FLT3LG: variants seen among roughly 807,000 people sequenced by gnomAD.
FLT3LG encodes the protein fms-related tyrosine kinase 3 ligand.
Under a neutral mutation model 30.9 loss-of-function variants are expected in FLT3LG, and 8 were observed. The observed-to-expected ratio is 0.26, with a 90% confidence interval of 0.15 to 0.47. The LOEUF (loss-of-function observed/expected upper bound fraction) is 0.47. FLT3LG is among the 20% of genes least tolerant of loss of function. FLT3LG has a pLI of 0.99. For missense variants in FLT3LG, 278 were observed against 306.2 expected, an observed-to-expected ratio of 0.91 and a Z score of 0.69; for synonymous variants, 123 against 135.9, an observed-to-expected ratio of 0.91 and a Z score of 0.66.
At chr19:49,477,477 G>A (rs1041582215) in intron 5 of FLT3LG, among the ~76,000 whole-genome samples, 11 of 151,398 alleles carry the variant, frequency 7.3e-5, no homozygotes, top group Non-Finnish European at 7.4e-5. Flanking sequence ...GGTGGCTCAC[G>A]ACTGTAATCC....
chr19:49,476,199 G>T lies in FLT3LG; in HGVS notation c.198+1G>T. On this transcript the variant is annotated splice_donor_variant, in intron 4 of 8. Coordinates refer to ENST00000597551, the MANE Select transcript of FLT3LG (RefSeq NM_001459.4). LOFTEE classifies it high-confidence loss of function. This position sits in a 1 kb window ranked among gnomAD's most constrained non-coding sequence, Gnocchi z 5.3. Reference sequence around the variant, plus strand: ...CACCGTGGCCTCCAACCTGCAGGACGTAAGTCATGTTGGGAGGGACCTGGG... The same window carrying T: ...CACCGTGGCCTCCAACCTGCAGGACTTAAGTCATGTTGGGAGGGACCTGGG... 6.2e-7 allele frequency: 1 copy of T among 1,610,978 alleles called. No individual in the cohort carries two copies. Among genetic ancestry groups the T allele is most frequent in the Non-Finnish European group, 8.5e-7 (1 of 1,178,146 alleles).
At chr19:49,482,081 A>G (rs886513678) in intron 8 of FLT3LG, 1 of 152,028 alleles carries the variant, frequency 6.6e-6, no homozygotes, top group African/African-American at 2.4e-5. Context: ...TAATTTGCCA[A>G]AAGTCACACA....
chr19:49,485,343 A>G (rs182963208), intron 8 of FLT3LG, among the ~76,000 whole-genome samples: 4,139 of 138,176 alleles, frequency 0.03, 194 homozygotes, highest in African/African-American at 0.11. Flanking sequence ...TCTGCCTCCC[A>G]GGTTCAAGCG....
chr19:49,479,796 G>A (rs1473334596), intron 6 of FLT3LG: 8 of 152,746 alleles, frequency 5.2e-5, no homozygotes, highest in East Asian at 2.0e-4. Flanking sequence ...GTGAGCCACC[G>A]CGCCCAGCCT....
intron 5 of FLT3LG, among the ~76,000 whole-genome samples, chr19:49,477,914 C>T (rs537219832): frequency 2.0e-5 from 3 of 148,798 alleles, no homozygotes; most frequent in South Asian, 2.1e-4. Context: ...GGCATGGTGG[C>T]GCGCGCCTGT....
At chr19:49,480,726 C>T in intron 8 of FLT3LG, 106 bp downstream of exon 8, 1 of 1,232,732 alleles carries the variant, frequency 8.1e-7, no homozygotes, top group Non-Finnish European at 1.1e-6. Flanking sequence ...AGGGGCAGCT[C>T]TAGGTGCAGA....
At chr19:49,478,439 C>A (rs1158108530) in intron 5 of FLT3LG, among the ~76,000 whole-genome samples, 1 of 151,586 alleles carries the variant, frequency 6.6e-6, no homozygotes, top group Non-Finnish European at 1.5e-5. Context: ...TGTACTCCAG[C>A]CTGGGCAACA....
Position 49,484,855 on chromosome 19 carries a change from T to C in FLT3LG, c.*22-1160T>C, listed in dbSNP as rs117751029. Among the ~76,000 whole-genome samples the C allele has an allele frequency of 7.3e-3, 1,110 of 152,244 alleles. 4 individuals are homozygous for C. Among genetic ancestry groups the C allele is most frequent in the Non-Finnish European group, 0.013 (866 of 68,022 alleles). On this transcript the variant is annotated intron_variant, in intron 8 of 8. Coordinates refer to ENST00000597551, the MANE Select transcript of FLT3LG (RefSeq NM_001459.4). ...CATGGTGGCTCACACCTGTAACTCC[T>C]TGGCAGATCGCTTGAGCCTAAGAGT...
intron 6 of FLT3LG, 119 bp downstream of exon 6, chr19:49,479,166 A>T: frequency 6.9e-6 from 6 of 869,988 alleles, no homozygotes; most frequent in African/African-American, 1.8e-5. Flanking sequence ...GGGCAAGCTT[A>T]TTCCTCTTTC....
intron 2 of FLT3LG, among the ~76,000 whole-genome samples, chr19:49,475,074 A>AG: frequency 1.2e-5 from 1 of 81,860 alleles, no homozygotes; most frequent in Non-Finnish European, 2.2e-5. Context: ...GATGGACAGG[A>AG]GGGAAGATGG....
At chr19:49,480,211 G>C in intron 6 of FLT3LG, 87 bp from the exon 7 acceptor site, 1 of 982,724 alleles carries the variant, frequency 1.0e-6, no homozygotes, top group Non-Finnish European at 1.5e-6. Context: ...CCCATCCAAG[G>C]TCACACAGCC....
intron 8 of FLT3LG, chr19:49,481,908 G>T (rs999068152): frequency 6.6e-6 from 1 of 152,016 alleles, no homozygotes; most frequent in Non-Finnish European, 1.5e-5. Context: ...GGCCAGGCTG[G>T]TCTCAAACTC....
At position 49,476,582 on chromosome 19, in the gene FLT3LG, A is replaced by AG. The variant is rs745514077; in HGVS notation, c.342+20dup. On this transcript the variant is annotated intron_variant, in intron 5 of 8. Coordinates refer to ENST00000597551, the MANE Select transcript of FLT3LG (RefSeq NM_001459.4). The surrounding 1 kb of genome is among the most constrained non-coding windows in gnomAD (Gnocchi z 5.3). ...TGCCTTTCAGGTCAGCCCTCAACTT[A>AG]GGGGACAAGTGAGGGGAGGGAGATG... 1 of 1,613,716 alleles carries AG rather than the reference A, an allele frequency of 6.2e-7. No individual in the cohort carries two copies. Among genetic ancestry groups the AG allele is most frequent in the East Asian group, 2.2e-5 (1 of 44,894 alleles).
chr19:49,479,678 T>TG (rs1568673286), intron 6 of FLT3LG: 1 of 215,348 alleles, frequency 4.6e-6, no homozygotes, highest in Non-Finnish European at 9.8e-6. Flanking sequence ...ATTTTTTTTT[T>TG]TGTATTTTTA....
intron 1 of FLT3LG, 113 bp from the exon 2 acceptor site, chr19:49,474,490 G>A (rs2079303164): frequency 1.4e-6 from 1 of 723,500 alleles, no homozygotes; most frequent in African/African-American, 1.8e-5. Context: ...GGGAGGAAGG[G>A]GCGGAAACTC....
chr19:49,485,160 C>T (rs1307230867), intron 8 of FLT3LG, among the ~76,000 whole-genome samples: 1 of 143,302 alleles, frequency 7.0e-6, no homozygotes, highest in Non-Finnish European at 1.5e-5. Flanking sequence ...AGTGCACCGG[C>T]CCCATCTCAA....
intron 8 of FLT3LG, among the ~76,000 whole-genome samples, chr19:49,484,147 T>G (rs2079714894): frequency 6.7e-6 from 1 of 150,316 alleles, no homozygotes; most frequent in Admixed American, 6.6e-5. Context: ...CCTCCCAAAG[T>G]GCTGGGATTA....
intron 2 of FLT3LG, among the ~76,000 whole-genome samples, chr19:49,475,322 C>A (rs1300860597): frequency 6.6e-6 from 1 of 151,250 alleles, no homozygotes; most frequent in Non-Finnish European, 1.5e-5. Flanking sequence ...AGGACGTGGA[C>A]CAAGATCAAG....
At chr19:49,480,838 C>A in intron 8 of FLT3LG, 1 of 555,934 alleles carries the variant, frequency 1.8e-6, no homozygotes, top group Non-Finnish European at 3.2e-6. Flanking sequence ...TCAAGACCAG[C>A]CTGGCCAACA....
Sources: gnomAD v4.1 joint callset for allele counts (sites outside exome capture counted in the v4.1 genomes callset) on GRCh38, gnomAD v4.1.1 for gene constraint, Gnocchi (gnomAD v3.1) non-coding constraint, MANE v1.5 for transcripts, NCBI Gene and HGNC (gene_info 2026-07-23, HGNC 2026-07-21) for gene names.